TBC1D12: variants seen among roughly 807,000 people sequenced by gnomAD.
TBC1D12 encodes TBC1 domain family, member 12.
TBC1D12 carries 56 observed loss-of-function variants against 86.7 expected under a neutral mutation model. That is an observed-to-expected ratio of 0.65 (90% CI 0.52 to 0.81). The LOEUF (loss-of-function observed/expected upper bound fraction) is 0.81, where lower values mean the gene tolerates loss of function less well. Ranked by LOEUF, TBC1D12 falls within the 30% of genes least tolerant of loss-of-function variation. The pLI is 0.00. For missense variants in TBC1D12, 1,023 were observed against 1,038.8 expected, an observed-to-expected ratio of 0.98 and a Z score of 0.21; for synonymous variants, 421 against 411.7, an observed-to-expected ratio of 1.02 and a Z score of -0.27.
At chr10:94,519,593 AG>A (rs1842087147) in intron 9 of TBC1D12, among the ~76,000 whole-genome samples, 1 of 152,216 alleles carries the variant, frequency 6.6e-6, no homozygotes, top group Non-Finnish European at 1.5e-5. Flanking sequence ...ACAATTCTGG[AG>A]GTCAGAAGTC....
chr10:94,457,854 A>G (rs1054661507), intron 2 of TBC1D12, among the ~76,000 whole-genome samples: 3 of 152,082 alleles, frequency 2.0e-5, no homozygotes, highest in African/African-American at 7.2e-5. Flanking sequence ...TTTATAGCTA[A>G]GCCAACTCCA....
chr10:94,499,138 G>T (rs1310798794), intron 5 of TBC1D12, among the ~76,000 whole-genome samples: 2 of 152,184 alleles, frequency 1.3e-5, no homozygotes, highest in African/African-American at 4.8e-5. Context: ...ACATCCATCA[G>T]CTCACGTATT....
chr10:94,436,727 T>A (rs975574191), intron 1 of TBC1D12, among the ~76,000 whole-genome samples: 3 of 152,104 alleles, frequency 2.0e-5, no homozygotes, highest in African/African-American at 7.2e-5. Context: ...CTTTAGATTT[T>A]AAAAAATTTC....
Position 94,510,150 on chromosome 10 carries a change from A to C in TBC1D12, c.1660A>C (p.Thr554Pro). 1 of 1,607,412 alleles carries C rather than the reference A, an allele frequency of 6.2e-7. No homozygotes were observed. The highest frequency in any genetic ancestry group is 1.1e-5 in the South Asian group (1 of 89,334). Residue 554 changes from threonine to proline, a missense_variant, in exon 8 of 13, where the codon ACA (threonine) becomes CCA (proline). Thr to Pro is a conservative substitution (Grantham distance 38). Transcript: ENST00000225235. ...ATTAATTAAGTTGGACATATCCCGT[A>C]CATTTCCATCTCTCTACATCTTTCA... ...LELIKLDISR[T>P]FPSLYIFQKG...
intron 2 of TBC1D12, among the ~76,000 whole-genome samples, chr10:94,467,988 A>G (rs1249998005): frequency 2.6e-5 from 4 of 152,224 alleles, no homozygotes; most frequent in Non-Finnish European, 5.9e-5. Flanking sequence ...TGCAGACCCC[A>G]TGAAAGCATG....
At chr10:94,428,964 C>T (rs1232902015) in intron 1 of TBC1D12, among the ~76,000 whole-genome samples, 1 of 152,104 alleles carries the variant, frequency 6.6e-6, no homozygotes, top group Non-Finnish European at 1.5e-5. Context: ...CTTGGACTCT[C>T]AAAGTGCTGG....
At position 94,402,611 on chromosome 10, in the gene TBC1D12, C is replaced by G. The variant is rs776687705; in HGVS notation, c.-3C>G. ...TCCTGGGGCGGCCGCCACCCACCCC[C>G]AGATGGTGGGTCCGGAGGATGCCGG... On this transcript the variant is annotated 5_prime_UTR_variant, in exon 1 of 13. Coordinates refer to ENST00000225235, the MANE Select transcript of TBC1D12 (RefSeq NM_015188.2). The G allele has an allele frequency of 6.2e-7, 1 of 1,611,274 alleles. No homozygotes were observed. The highest frequency in any genetic ancestry group is 8.5e-7 in the Non-Finnish European group (1 of 1,179,368).
chr10:94,465,670 A>ATGTCTGTG (rs2055798161), intron 2 of TBC1D12, among the ~76,000 whole-genome samples: 1 of 137,934 alleles, frequency 7.2e-6, no homozygotes, highest in Non-Finnish European at 1.5e-5. Context: ...ATATATATAT[A>ATGTCTGTG]TGTGTGTGTG....
intron 4 of TBC1D12, among the ~76,000 whole-genome samples, chr10:94,494,263 A>G (rs2134178087): frequency 6.6e-6 from 1 of 152,304 alleles, no homozygotes; most frequent in East Asian, 1.9e-4. Flanking sequence ...TTTAGAAGAT[A>G]TTACACAGCT....
intron 6 of TBC1D12, among the ~76,000 whole-genome samples, chr10:94,501,792 C>T (rs144669817): frequency 0.11 from 16,084 of 151,864 alleles, 1,149 homozygotes; most frequent in Middle Eastern, 0.19. Flanking sequence ...AAGTGATCCA[C>T]TTGCCTCAGC....
At chr10:94,513,612 A>G (rs546204424) in intron 9 of TBC1D12, among the ~76,000 whole-genome samples, 8 of 151,974 alleles carry the variant, frequency 5.3e-5, no homozygotes, top group Non-Finnish European at 1.0e-4. Context: ...CTAGAGTACA[A>G]TGGCGTGATC....
chr10:94,412,624 A>G (rs2054941872), intron 1 of TBC1D12, among the ~76,000 whole-genome samples: 1 of 152,204 alleles, frequency 6.6e-6, no homozygotes, highest in South Asian at 2.1e-4. Flanking sequence ...AGTCCATGAA[A>G]TGTTTAACTT....
At chr10:94,507,213 A>G (rs2134200163) in intron 6 of TBC1D12, 54 bp from the exon 7 acceptor site, 3 of 1,550,804 alleles carry the variant, frequency 1.9e-6, no homozygotes, top group Non-Finnish European at 2.6e-6. Flanking sequence ...TAAAATTTGC[A>G]AATATATTTC....
chr10:94,403,488 C>T lies in TBC1D12; in HGVS notation c.875C>T (p.Ala292Val), dbSNP rs545261867. 935 of 1,541,512 alleles carry T rather than the reference C, an allele frequency of 6.1e-4. 5 individuals carry two copies. The African/African-American group carries it at 0.012, about 19-fold the overall frequency. Residue 292 changes from alanine (A) to valine (V), a missense_variant, in exon 1 of 13, where the codon GCG (alanine) becomes GTG (valine). By Grantham distance (64) the Ala-to-Val change is moderately conservative. Around this residue, in one of 2 missense-constraint regions of TBC1D12, gnomAD observed 628 missense variants for 531.1 expected, o/e 1.18. Coordinates refer to ENST00000225235, the MANE Select transcript of TBC1D12 (RefSeq NM_015188.2). ...AGCGCCCGCGATCACCTGCCCCCGG[C>T]GGGGCCGCCGGTGCCCTTGCCCGCC... ...GQSARDHLPP[A>V]GPPVPLPAAE...
At position 94,535,115 on chromosome 10, in the gene TBC1D12, T is replaced by C. The variant is rs565986701; in HGVS notation, c.*2019T>C. ...GTAGTCAACAGCAATGTCAGAACAA[T>C]TGACATTGTCTTTCCAAGAGTGAAT... On this transcript the variant is annotated 3_prime_UTR_variant, in exon 13 of 13. Coordinates refer to ENST00000225235, the MANE Select transcript of TBC1D12 (RefSeq NM_015188.2). The C allele has an allele frequency of 1.3e-5, 2 of 152,252 alleles. No individual in the cohort carries two copies. Among genetic ancestry groups the C allele is most frequent in the South Asian group, 2.1e-4 (1 of 4,822 alleles). The allele number at this position is 152,252 out of a possible 1,614,324, so 9.4% of individuals were successfully genotyped here. A position where few individuals can be genotyped will look rare whatever the true frequency, so the allele number is the denominator to read the frequency against.
intron 11 of TBC1D12, among the ~76,000 whole-genome samples, chr10:94,526,364 G>C (rs1470113936): frequency 2.6e-5 from 4 of 151,766 alleles, no homozygotes; most frequent in Non-Finnish European, 1.5e-5. Flanking sequence ...GAGCCTAGGA[G>C]GCTCAAGTGA....
chr10:94,518,691 A>C (rs1842065790), intron 9 of TBC1D12, among the ~76,000 whole-genome samples: 1 of 152,264 alleles, frequency 6.6e-6, no homozygotes, highest in East Asian at 1.9e-4. Context: ...AAGAAATTAT[A>C]GAAATAACTT....
intron 3 of TBC1D12, among the ~76,000 whole-genome samples, chr10:94,483,033 C>A (rs1033437797): frequency 1.7e-4 from 18 of 108,038 alleles, no homozygotes; most frequent in Non-Finnish European, 1.5e-4. Context: ...ACCACATATT[C>A]TTCTTCTTTT....
chr10:94,427,054 T>C (rs1341584544), intron 1 of TBC1D12, among the ~76,000 whole-genome samples: 2 of 152,194 alleles, frequency 1.3e-5, no homozygotes, highest in African/African-American at 2.4e-5. Flanking sequence ...CCTGTACCTA[T>C]TATAAAGATG....
Sources: allele counts gnomAD v4.1 joint callset (sites outside exome capture counted in the v4.1 genomes callset), GRCh38; gene constraint gnomAD v4.1.1; regional missense constraint gnomAD v4.1.1; transcripts MANE v1.5; gene names NCBI Gene and HGNC (gene_info 2026-07-23, HGNC 2026-07-21).